Variants in KLHL38 observed in about 807,000 individuals in gnomAD.
The protein encoded by KLHL38 is kelch-like protein 38.
Under a neutral mutation model 39.6 loss-of-function variants are expected in KLHL38, and 38 were observed. The ratio of observed to expected loss-of-function variants is 0.96; its 90% CI spans 0.74 to 1.26. KLHL38 has a LOEUF of 1.26. Ranked by LOEUF, KLHL38 falls within the 50% of genes most tolerant of loss-of-function variation. The pLI is 0.00. For missense variants in KLHL38, 803 were observed against 748.1 expected, an observed-to-expected ratio of 1.07 and a Z score of -0.86; for synonymous variants, 322 against 302.2, an observed-to-expected ratio of 1.07 and a Z score of -0.68.
At chr8:123,653,112 G>C (rs1356012426) in intron 1 of KLHL38, among the ~76,000 whole-genome samples, 185 bp from the exon 2 acceptor site, 3 of 152,160 alleles carry the variant, frequency 2.0e-5, no homozygotes, top group Non-Finnish European at 2.9e-5. Flanking sequence ...ATACATCTCA[G>C]ACCTGAGCCC....
rs145635924 is a variant in KLHL38 at position 123,645,477 on chromosome 8, G to C, written c.*262C>G. On this transcript the variant is annotated 3_prime_UTR_variant, in exon 4 of 4. Coordinates refer to ENST00000684634, the MANE Select transcript of KLHL38 (RefSeq NM_001081675.3). ...AGAGAGAGAGAGAGAGAGAGAGAGA[G>C]AGACAGACAGAGATAGGGGAGAGAA... 23,476 of 474,534 alleles carry C rather than the reference G, an allele frequency of 0.049. 796 individuals are homozygous for C. The highest frequency in any genetic ancestry group is 0.057 in the Non-Finnish European group (15,592 of 272,060). The allele number at this position is 474,534 out of a possible 1,614,324, so 29.4% of individuals were successfully genotyped here.
Position 123,651,977 on chromosome 8 carries a change from T to A in KLHL38, c.950A>T (p.Lys317Ile). 6.2e-7 allele frequency: 1 copy of A among 1,614,252 alleles called. No individual in the cohort carries two copies. Among genetic ancestry groups the A allele is most frequent in the South Asian group, 1.1e-5 (1 of 91,090 alleles). Residue 317 changes from lysine (K) to isoleucine (I), a missense_variant, in exon 2 of 4, where the codon AAA becomes ATA. By Grantham distance (102) the Lys-to-Ile change is moderately radical. Transcript: ENST00000684634. ...GGCCTTGTACAGCCGTGTCGGGAGT[T>A]TGGCAAGGCTCTGCCATTGGCCGGT... ...KQTGQWQSLA[K>I]LPTRLYKASA...
Position 123,645,884 on chromosome 8 carries a change from T to C in KLHL38, c.1601A>G (p.Asp534Gly), listed in dbSNP as rs775427624. 5.9e-5 allele frequency: 95 copies of C among 1,614,034 alleles called. No homozygotes were observed. The highest frequency in any genetic ancestry group is 8.0e-5 in the Non-Finnish European group (94 of 1,180,004). ...GGAGGCGGAGTCCTCAATGTTGCAG[T>C]CCGTGGTCAGCCGCCGCCCGCCCGT... ...YVTGGRRLTT[D>G]CNIEDSASFD... Residue 534 changes from aspartate (D) to glycine (G), a missense_variant, in exon 4 of 4, where the codon GAC (aspartate) becomes GGC (glycine). Transcript: ENST00000684634.
Position 123,652,508 on chromosome 8 carries a change from A to T in KLHL38, c.419T>A (p.Ile140Asn), listed in dbSNP as rs759773974. 2.4e-5 allele frequency: 38 copies of T among 1,614,172 alleles called. 1 individual carries two copies. In the South Asian group the frequency reaches 4.0e-4, roughly 17 times the overall value. ...QLAPSNCLGM[I>N]RLSEILSCET... Reference sequence around the variant, plus strand: ...GCAGCTTAAGATTTCTGAGAGTCTGATCATACCCAGGCAGTTGCTGGGGGC... The same window carrying T: ...GCAGCTTAAGATTTCTGAGAGTCTGTTCATACCCAGGCAGTTGCTGGGGGC... Residue 140 changes from isoleucine to asparagine, a missense_variant, in exon 2 of 4, where the codon ATC becomes AAC. By Grantham distance (149) the Ile-to-Asn change is moderately radical. Coordinates refer to ENST00000684634, the MANE Select transcript of KLHL38 (RefSeq NM_001081675.3).
rs762319117 is a variant in KLHL38 at position 123,645,847 on chromosome 8, G to A, written c.1638C>T (p.Tyr546=). 8.8e-5 allele frequency: 142 copies of A among 1,613,702 alleles called. No individual in the cohort carries two copies. Among genetic ancestry groups the A allele is most frequent in the Non-Finnish European group, 1.2e-4 (136 of 1,179,984 alleles). Residue 546 remains tyrosine (Y), a synonymous_variant, in exon 4 of 4, where the codon TAC becomes TAT. Transcript: ENST00000684634. ...NIEDSASFDC[Y]DPETDTWTSQ... is the part of the protein sequence containing the mutation. The stretch of plus-strand genomic sequence containing the variant: ...ATGTCCAGGTGTCCGTCTCGGGGTC[G>A]TAGCAATCGAAGGAGGCGGAGTCCT...
intron 2 of KLHL38, among the ~76,000 whole-genome samples, chr8:123,648,036 A>G (rs1818691760): frequency 6.6e-6 from 1 of 152,196 alleles, no homozygotes; most frequent in Non-Finnish European, 1.5e-5. Flanking sequence ...AGTTGAGATC[A>G]CACCACTGCA....
chr8:123,645,587 C>A lies in KLHL38; in HGVS notation c.*152G>T, dbSNP rs1050710936. On this transcript the variant is annotated 3_prime_UTR_variant, in exon 4 of 4. Transcript: ENST00000684634. ...CAGAGAAGGAGAGAGAGAGTTCTGG[C>A]AATGCAATGCCTAGTTCCAGGCCTC... is the stretch of plus-strand genomic sequence containing the variant. The A allele has an allele frequency of 1.0e-5, 7 of 692,450 alleles. No individual in the cohort carries two copies. In the Admixed American group the frequency reaches 1.7e-4, roughly 17 times the overall value. The allele number at this position is 692,450 out of a possible 1,614,324, so 42.9% of individuals were successfully genotyped here.
rs528602015 is a variant in KLHL38 at position 123,650,712 on chromosome 8, G to A, written c.1350+865C>T. Among the ~76,000 whole-genome samples the A allele has an allele frequency of 4.6e-5, 7 of 152,292 alleles. No individual in the cohort carries two copies. In the South Asian group the frequency reaches 1.5e-3, roughly 32 times the overall value. Reference sequence around the variant, plus strand: ...AGCATACTTCTCAGACAGCTTGTTAGTGAAATTAATGTCTGCCGATCATTA... The same window carrying A: ...AGCATACTTCTCAGACAGCTTGTTAATGAAATTAATGTCTGCCGATCATTA... On this transcript the variant is annotated intron_variant, in intron 2 of 3. Coordinates refer to ENST00000684634, the MANE Select transcript of KLHL38 (RefSeq NM_001081675.3).
In KLHL38 at chr8:123,645,802, G is replaced by C. The variant is rs571912596; in HGVS notation, c.1683C>G (p.His561Gln). ...DTWTSQGQLP[H>Q]KLFDHACLTL... is the part of the protein sequence containing the mutation. ...TGAGGCAGGCATGGTCAAAGAGCTTGTGCGGCAGCTGTCCCTGGGATGTCC... is the reference window on the plus strand; with the variant it reads ...TGAGGCAGGCATGGTCAAAGAGCTTCTGCGGCAGCTGTCCCTGGGATGTCC... The change falls in exon 4 of 4, where the codon CAC (histidine) becomes CAG (glutamine). Residue 561 changes from histidine to glutamine, a missense_variant. Transcript: ENST00000684634. 63 of 1,613,950 alleles carry C rather than the reference G, an allele frequency of 3.9e-5. No homozygotes were observed. In the South Asian group the frequency reaches 6.0e-4, roughly 15 times the overall value.
chr8:123,653,099 C>T (rs1812689953), intron 1 of KLHL38, 172 bp from the exon 2 acceptor site: 25 of 681,606 alleles, frequency 3.7e-5, no homozygotes, highest in South Asian at 1.1e-4. Flanking sequence ...AAAGGAAGGC[C>T]ACATACATCT....
chr8:123,646,882 G>T (rs758575642), intron 3 of KLHL38, 27 bp downstream of exon 3: 1 of 1,497,622 alleles, frequency 6.7e-7, no homozygotes, highest in Admixed American at 1.8e-5. Context: ...TTTGTGTCAC[G>T]CCCAGTGATC....
Position 123,651,968 on chromosome 8 carries a change from G to A in KLHL38, c.959C>T (p.Thr320Ile). Residue 320 changes from threonine (T) to isoleucine (I), a missense_variant, in exon 2 of 4, where the codon ACA (threonine) becomes ATA (isoleucine). Thr to Ile is a moderately conservative substitution (Grantham distance 89). Transcript: ENST00000684634. ...GATGGCAGAGGCCTTGTACAGCCGT[G>A]TCGGGAGTTTGGCAAGGCTCTGCCA... ...GQWQSLAKLP[T>I]RLYKASAITL... 1 of 1,614,264 alleles carries A rather than the reference G, an allele frequency of 6.2e-7. No homozygotes were observed. Among genetic ancestry groups the A allele is most frequent in the South Asian group, 1.1e-5 (1 of 91,090 alleles).
At chr8:123,647,425 G>A (rs1045301599) in intron 2 of KLHL38, among the ~76,000 whole-genome samples, 1 of 152,148 alleles carries the variant, frequency 6.6e-6, no homozygotes, top group African/African-American at 2.4e-5. Context: ...ATCCAAGAAG[G>A]TCATAGAGCC....
At chr8:123,647,146 A>G (rs991195378) in intron 2 of KLHL38, 132 bp from the exon 3 acceptor site, 9 of 633,880 alleles carry the variant, frequency 1.4e-5, no homozygotes, top group Admixed American at 2.9e-5. Flanking sequence ...TTAAAAATGT[A>G]GCTATTGTTA....
In KLHL38 at chr8:123,645,989, T is replaced by C; in HGVS notation, c.1496A>G (p.Asn499Ser). 1 of 1,614,180 alleles carries C rather than the reference T, an allele frequency of 6.2e-7. No individual in the cohort carries two copies. Among genetic ancestry groups the C allele is most frequent in the Non-Finnish European group, 8.5e-7 (1 of 1,180,024 alleles). Residue 499 changes from asparagine to serine, a missense_variant, in exon 4 of 4, where the codon AAC becomes AGC. Transcript: ENST00000684634. ...RRILAYDPQS[N>S]KFVKCADMKD... ...CATGTCCGCACATTTGACAAATTTG[T>C]TGGATTGAGGGTCATAAGCAAGAAT...
At chr8:123,653,148 G>A (rs564231300) in intron 1 of KLHL38, among the ~76,000 whole-genome samples, 3 of 152,320 alleles carry the variant, frequency 2.0e-5, no homozygotes, top group African/African-American at 7.2e-5. Context: ...ATTTTCAAAA[G>A]TAATAGGCAA....
At chr8:123,653,436 T>C (rs979175869) in intron 1 of KLHL38, among the ~76,000 whole-genome samples, 150 bp downstream of exon 1, 1 of 152,172 alleles carries the variant, frequency 6.6e-6, no homozygotes. Context: ...GGGAAGAAAA[T>C]GGACCTTTGA....
intron 2 of KLHL38, among the ~76,000 whole-genome samples, chr8:123,647,794 C>T (rs77914692): frequency 0.041 from 6,173 of 152,192 alleles, 177 homozygotes; most frequent in Non-Finnish European, 0.062. Context: ...AATAAAATTA[C>T]GAGGCCGGGT....
intron 2 of KLHL38, among the ~76,000 whole-genome samples, chr8:123,647,482 G>A (rs1021938752): frequency 6.6e-6 from 1 of 152,206 alleles, no homozygotes; most frequent in African/African-American, 2.4e-5. Flanking sequence ...AACCGTTCAT[G>A]CCCGAAAGTC....
Sources: allele counts gnomAD v4.1 joint callset (sites outside exome capture counted in the v4.1 genomes callset), GRCh38; gene constraint gnomAD v4.1.1; transcripts MANE v1.5; gene names NCBI Gene and HGNC (gene_info 2026-07-23, HGNC 2026-07-21).